The following ANKS1B variants were observed in gnomAD, a reference collection of about 807,000 sequenced individuals.
ANKS1B encodes the protein ankyrin repeat and sterile alpha motif domain-containing protein 1B.
Under a neutral mutation model 148.3 loss-of-function variants are expected in ANKS1B, and 36 were observed. The observed-to-expected ratio is 0.24, with a 90% CI of 0.19 to 0.32. ANKS1B has a LOEUF of 0.32. ANKS1B is among the 10% of genes least tolerant of loss of function. ANKS1B has a pLI of 1.00. For missense variants in ANKS1B, 1,157 were observed against 1,542.6 expected, an observed-to-expected ratio of 0.75 and a Z score of 4.19; for synonymous variants, 542 against 560.8, an observed-to-expected ratio of 0.97 and a Z score of 0.47.
At chr12:99,502,204 T>A (rs1304373366) in intron 10 of ANKS1B, among the ~76,000 whole-genome samples, 1 of 152,150 alleles carries the variant, frequency 6.6e-6, no homozygotes, top group African/African-American at 2.4e-5. Flanking sequence ...ATTTTGCATA[T>A]CTATTTCCTG....
chr12:99,552,257 C>A (rs1324276695), intron 9 of ANKS1B, among the ~76,000 whole-genome samples: 1 of 152,148 alleles, frequency 6.6e-6, no homozygotes, highest in Non-Finnish European at 1.5e-5. Flanking sequence ...TTACGAGTTC[C>A]AAGAAAACAG....
At chr12:99,695,689 C>T (rs774194852) in intron 8 of ANKS1B, among the ~76,000 whole-genome samples, 12 of 152,086 alleles carry the variant, frequency 7.9e-5, no homozygotes, top group African/African-American at 1.2e-4. Flanking sequence ...TGAGAATACA[C>T]GGACACAGGG....
intron 12 of ANKS1B, among the ~76,000 whole-genome samples, chr12:99,307,959 C>T (rs896282349): frequency 6.6e-6 from 1 of 151,954 alleles, no homozygotes; most frequent in African/African-American, 2.4e-5. Flanking sequence ...TGGAGGACTC[C>T]CTCGACTAAT....
chr12:99,662,774 C>A (rs928052440), intron 8 of ANKS1B, among the ~76,000 whole-genome samples: 1 of 152,102 alleles, frequency 6.6e-6, no homozygotes, highest in Non-Finnish European at 1.5e-5. Context: ...CTTTAAATTG[C>A]ACAGCTTAAC....
In ANKS1B at chr12:99,098,771, C is replaced by A. The variant is rs571733565; in HGVS notation, c.2527-13748G>T. Among the ~76,000 whole-genome samples the A allele has an allele frequency of 8.6e-4, 125 of 145,820 alleles. 1 individual carries two copies. Among genetic ancestry groups the A allele is most frequent in the Non-Finnish European group, 1.7e-3 (117 of 67,694 alleles). On this transcript the variant is annotated intron_variant, in intron 15 of 26. Transcript: ENST00000683438. ...GAAAAATTCAGGGTTCCCCCCCCCA[C>A]CCCCAGCTCTGCCATTTACTTAGCT...
chr12:98,838,799 G>C (rs1237983237), intron 17 of ANKS1B, among the ~76,000 whole-genome samples: 1 of 152,168 alleles, frequency 6.6e-6, no homozygotes, highest in Admixed American at 6.5e-5. Flanking sequence ...GAGCAGTTCT[G>C]GTGTTCCTAA....
At chr12:98,880,654 G>C (rs2099705046) in intron 17 of ANKS1B, among the ~76,000 whole-genome samples, 1 of 152,168 alleles carries the variant, frequency 6.6e-6, no homozygotes, top group Admixed American at 6.5e-5. Flanking sequence ...TGTAGTCCCA[G>C]CTACTCAGGA....
At chr12:99,276,956 G>A in intron 12 of ANKS1B, among the ~76,000 whole-genome samples, 1 of 152,094 alleles carries the variant, frequency 6.6e-6, no homozygotes, top group East Asian at 1.9e-4. Context: ...GATAAACACT[G>A]TGACCCCTTT....
intron 17 of ANKS1B, among the ~76,000 whole-genome samples, chr12:98,901,408 A>G (rs1366715559): frequency 2.0e-5 from 3 of 152,168 alleles, no homozygotes; most frequent in Admixed American, 6.5e-5. Flanking sequence ...TCTCCATTTT[A>G]TCTGTGGGAT....
chr12:99,382,168 C>T (rs372097112), intron 12 of ANKS1B, among the ~76,000 whole-genome samples: 3 of 152,180 alleles, frequency 2.0e-5, no homozygotes, highest in Admixed American at 2.0e-4. Context: ...AAATTCAAAC[C>T]GATAAGGCAT....
intron 12 of ANKS1B, among the ~76,000 whole-genome samples, chr12:99,276,902 C>T (rs1258769762): frequency 6.6e-6 from 1 of 152,170 alleles, no homozygotes; most frequent in Non-Finnish European, 1.5e-5. Flanking sequence ...TTTTACTTCT[C>T]TGGATGTTAC....
intron 25 of ANKS1B, among the ~76,000 whole-genome samples, chr12:98,772,155 G>T (rs537611540): frequency 2.6e-5 from 4 of 152,198 alleles, no homozygotes; most frequent in Admixed American, 1.3e-4. Context: ...TTGGTGTTAT[G>T]AGTGGAACTG....
intron 15 of ANKS1B, among the ~76,000 whole-genome samples, chr12:99,098,619 CTTTTTTTTT>C (rs71081896): frequency 1.2e-3 from 37 of 32,108 alleles, no homozygotes; most frequent in African/African-American, 3.3e-3. Context: ...CTAGGAACTA[CTTTTTTTTT>C]TTTTTTTTTT....
intron 1 of ANKS1B, among the ~76,000 whole-genome samples, chr12:99,832,927 A>G (rs2084263770): frequency 6.6e-6 from 1 of 152,214 alleles, no homozygotes; most frequent in Non-Finnish European, 1.5e-5. Flanking sequence ...GCCAAAACAT[A>G]TAAAGTGAAA....
rs192583132 is a variant in ANKS1B at position 99,289,426 on chromosome 12, A to G, written c.1757-42562T>C. 6.0e-4 allele frequency among the ~76,000 whole-genome samples: 91 copies of G among 152,236 alleles called. 1 individual carries two copies. The highest frequency in any genetic ancestry group is 1.1e-3 in the Non-Finnish European group (78 of 67,922). Reference sequence around the variant, plus strand: ...ATACTATAGAACAAATGGACATCATAGATATGTACAAAACATTTCATCCAA... The same window carrying G: ...ATACTATAGAACAAATGGACATCATGGATATGTACAAAACATTTCATCCAA... On this transcript the variant is annotated intron_variant, in intron 12 of 26. Transcript: ENST00000683438.
At chr12:99,759,455 A>G (rs997847068) in intron 8 of ANKS1B, among the ~76,000 whole-genome samples, 3 of 151,934 alleles carry the variant, frequency 2.0e-5, no homozygotes, top group African/African-American at 7.2e-5. Flanking sequence ...TTGAAGCATG[A>G]GCAATTTCAG....
chr12:98,856,719 A>C (rs1451602112), intron 17 of ANKS1B, among the ~76,000 whole-genome samples: 1 of 152,166 alleles, frequency 6.6e-6, no homozygotes, highest in Non-Finnish European at 1.5e-5. Context: ...GAGATACTGA[A>C]TAACCTCTGG....
chr12:99,365,970 A>G (rs1181348010), intron 12 of ANKS1B, among the ~76,000 whole-genome samples: 1 of 152,248 alleles, frequency 6.6e-6, no homozygotes, highest in Non-Finnish European at 1.5e-5. Context: ...TACATCCTTT[A>G]CATGTCAACA....
chr12:99,288,335 G>A (rs1040727336), intron 12 of ANKS1B, among the ~76,000 whole-genome samples: 3 of 151,982 alleles, frequency 2.0e-5, no homozygotes, highest in Non-Finnish European at 4.4e-5. Flanking sequence ...CAAACATGAA[G>A]GAGAAATAAA....
Sources: gnomAD v4.1 joint callset for allele counts (sites outside exome capture counted in the v4.1 genomes callset) on GRCh38, gnomAD v4.1.1 for gene constraint, MANE v1.5 for transcripts, NCBI Gene and HGNC (gene_info 2026-07-23, HGNC 2026-07-21) for gene names.